The following MROH2A variants were observed in gnomAD, a reference collection of about 807,000 sequenced individuals.
MROH2A encodes the protein maestro heat-like repeat-containing protein family member 2A.
In MROH2A, 174 loss-of-function variants were observed where a neutral mutation model predicts 200.4. That is an observed-to-expected ratio of 0.87 (90% CI 0.77 to 0.98). MROH2A has a LOEUF of 0.98. MROH2A is among the 50% of genes least tolerant of loss of function. The pLI, the probability that MROH2A is intolerant of heterozygous loss-of-function variation, is 0.00. For synonymous variants in MROH2A, 829 were observed against 840.4 expected (o/e 0.99, Z 0.23); for missense variants, 2,045 against 2,139.6 (o/e 0.96, Z 0.87).
Position 233,795,692 on chromosome 2 carries a change from A to T in MROH2A, c.1006A>T (p.Thr336Ser). 1 of 1,550,888 alleles carries T rather than the reference A, an allele frequency of 6.4e-7. No individual in the cohort carries two copies. Among genetic ancestry groups the T allele is most frequent in the Non-Finnish European group, 8.7e-7 (1 of 1,147,020 alleles). The stretch of plus-strand genomic sequence containing the variant: ...CCTGGAACTGTCAGTCACCACCAAC[A>T]CCCCTGTCCCCCAAATGCAGCTACA... The part of the protein sequence containing the change: ...QILELSVTTN[T>S]PVPQMQLHTI... The change falls in exon 9 of 42, where the codon ACC (threonine) becomes TCC (serine). Residue 336 changes from threonine to serine, a missense_variant. Thr to Ser is a moderately conservative substitution (Grantham distance 58). This residue lies in a region of MROH2A where 831 missense variants were observed against 800.0 expected (regional missense o/e 1.04). Coordinates refer to ENST00000389758, the MANE Select transcript of MROH2A (RefSeq NM_001394639.1).
At chr2:233,832,093 G>T in intron 39 of MROH2A, 84 bp from the exon 40 acceptor site, 1 of 1,146,080 alleles carries the variant, frequency 8.7e-7, no homozygotes, top group Non-Finnish European at 1.3e-6. Context: ...GATGCATCTT[G>T]GTGATGGGAA....
At chr2:233,793,220 C>T (rs757546744) in intron 6 of MROH2A, among the ~76,000 whole-genome samples, 25 of 152,272 alleles carry the variant, frequency 1.6e-4, no homozygotes, top group Non-Finnish European at 2.6e-4. Context: ...AGAGGGAGAC[C>T]GGGGAAAACG....
intron 38 of MROH2A, among the ~76,000 whole-genome samples, 189 bp from the exon 39 acceptor site, chr2:233,831,220 G>A (rs1704725302): frequency 6.6e-6 from 1 of 152,244 alleles, no homozygotes; most frequent in Admixed American, 6.5e-5. Context: ...TTCTATAAAT[G>A]TACCTGCAGC....
At chr2:233,814,896 G>A (rs955264848) in intron 26 of MROH2A, among the ~76,000 whole-genome samples, 3 of 152,078 alleles carry the variant, frequency 2.0e-5, no homozygotes, top group Non-Finnish European at 2.9e-5. Context: ...TTTCTTTCTC[G>A]GTTTTCTTCT....
At chr2:233,822,678 CT>C in intron 33 of MROH2A, 122 bp downstream of exon 33, 1 of 1,209,122 alleles carries the variant, frequency 8.3e-7, no homozygotes, top group Non-Finnish European at 1.1e-6. Flanking sequence ...GGGATCTGAT[CT>C]TACTCAAAAT....
At chr2:233,791,287 A>G (rs534784341) in intron 5 of MROH2A, among the ~76,000 whole-genome samples, 6 of 152,110 alleles carry the variant, frequency 3.9e-5, no homozygotes, top group Admixed American at 1.3e-4. Flanking sequence ...GGTACTTGTG[A>G]TGGTGGCTGG....
chr2:233,778,880 C>A (rs1218002355), intron 1 of MROH2A, among the ~76,000 whole-genome samples: 1 of 152,198 alleles, frequency 6.6e-6, no homozygotes, highest in Non-Finnish European at 1.5e-5. Flanking sequence ...GGAGTCTAGG[C>A]ATGGCTTTCC....
intron 12 of MROH2A, among the ~76,000 whole-genome samples, chr2:233,799,507 G>A (rs1237679913): frequency 6.6e-6 from 1 of 152,138 alleles, no homozygotes; most frequent in African/African-American, 2.4e-5. Flanking sequence ...GGCTCCCCAC[G>A]GCAAGGGCTG....
chr2:233,792,688 C>T (rs1241237854), intron 5 of MROH2A, 108 bp from the exon 6 acceptor site: 1 of 699,630 alleles, frequency 1.4e-6, no homozygotes, highest in Admixed American at 2.1e-5. Flanking sequence ...TAAGCCAGCT[C>T]TGGACTGTTA....
chr2:233,822,656 T>A, intron 33 of MROH2A, 100 bp downstream of exon 33: 1 of 1,283,644 alleles, frequency 7.8e-7, no homozygotes, highest in Non-Finnish European at 1.1e-6. Flanking sequence ...GGGCCCTCTG[T>A]CTCCTCCTGG....
At chr2:233,805,975 C>T (rs1702768420) in intron 19 of MROH2A, among the ~76,000 whole-genome samples, 1 of 152,108 alleles carries the variant, frequency 6.6e-6, no homozygotes, top group Admixed American at 6.6e-5. Flanking sequence ...TAGAAAAACA[C>T]AGGATAAATC....
Position 233,804,926 on chromosome 2 carries a change from C to T in MROH2A, c.1945-78C>T, listed in dbSNP as rs141303803. ...GAGGGCAAGTCAGTACTCAAGGTCC[C>T]GTAGCATTCCCAGAGCCCAGGCAAG... is the stretch of plus-strand genomic sequence containing the variant. On this transcript the variant is annotated intron_variant, in intron 18 of 41. Transcript: ENST00000389758. The T allele has an allele frequency of 2.5e-4, 197 of 774,316 alleles. 1 individual carries two copies. The African/African-American group carries it at 2.7e-3, about 11-fold the overall frequency. The allele number at this position is 774,316 out of a possible 1,614,324, so 48.0% of individuals were successfully genotyped here. A position where few individuals can be genotyped will look rare whatever the true frequency, so the allele number is the denominator to read the frequency against.
chr2:233,821,830 A>G (rs1484031824), intron 31 of MROH2A, among the ~76,000 whole-genome samples: 1 of 151,988 alleles, frequency 6.6e-6, no homozygotes, highest in Non-Finnish European at 1.5e-5. Flanking sequence ...ATGTCCGTAC[A>G]GTCATCAAAC....
At position 233,833,270 on chromosome 2, in the gene MROH2A, C is replaced by T; in HGVS notation, c.*11C>T. 1 of 1,525,782 alleles carries T rather than the reference C, an allele frequency of 6.6e-7. No individual in the cohort carries two copies. Among genetic ancestry groups the T allele is most frequent in the Non-Finnish European group, 8.8e-7 (1 of 1,139,300 alleles). 94.5% of individuals were successfully genotyped at this position (1,525,782 alleles called of 1,614,324 possible). On this transcript the variant is annotated 3_prime_UTR_variant, in exon 42 of 42. Transcript: ENST00000389758. ...CAAGGAATGTCCTAGGTGGTCCAAA[C>T]ATAAGACGTAAACTGTCTTCTTAGT...
rs906883688 is a variant in MROH2A, at chr2:233,824,141, A to G, written c.4113+477A>G. Among the ~76,000 whole-genome samples the G allele has an allele frequency of 2.4e-4, 37 of 152,376 alleles. 1 individual carries two copies. Among genetic ancestry groups the G allele is most frequent in the Admixed American group, 6.5e-4 (10 of 15,310 alleles). On this transcript the variant is annotated intron_variant, in intron 35 of 41. Transcript: ENST00000389758. ...GCCAGTGTTTTCTGTAAAGGACTGC[A>G]GAGTAAATTTTTGGCTTTGTGGCCA...
In MROH2A at chr2:233,795,960, T is replaced by G. The variant is rs1702078293; in HGVS notation, c.1060-7T>G. On this transcript the variant is annotated splice_polypyrimidine_tract_variant and splice_region_variant and intron_variant, in intron 9 of 41. Transcript: ENST00000389758. ...CTCCTCCAGCCTCACTGCACGTCCC[T>G]CACCAGGTGTGCAACAAGGCCCCGG... 6.4e-7 allele frequency: 1 copy of G among 1,550,402 alleles called. No homozygotes were observed. Among genetic ancestry groups the G allele is most frequent in the Non-Finnish European group, 8.7e-7 (1 of 1,146,848 alleles).
chr2:233,814,541 C>A, intron 25 of MROH2A, 41 bp from the exon 26 acceptor site: 1 of 1,453,124 alleles, frequency 6.9e-7, no homozygotes, highest in South Asian at 1.2e-5. Flanking sequence ...GTTGTGGGTG[C>A]CCCTCATTGC....
chr2:233,786,682 G>A lies in MROH2A; in HGVS notation c.277-2815G>A, dbSNP rs189819130. The stretch of plus-strand genomic sequence containing the variant: ...CTCTGGGAGGAGTAGTCTCTCTAGG[G>A]TCAGCAAGGACCCAGGTGCCAAAGC... On this transcript the variant is annotated intron_variant, in intron 3 of 41. Transcript: ENST00000389758. Among the ~76,000 whole-genome samples, 62 of 152,282 alleles carry A rather than the reference G, an allele frequency of 4.1e-4. 1 individual carries two copies. In the East Asian group the frequency reaches 0.012, roughly 29 times the overall value.
At position 233,831,491 on chromosome 2, in the gene MROH2A, C is replaced by G; in HGVS notation, c.4685C>G (p.Ala1562Gly). ...CATCCCTCAGGGCCAAGTGATACCG[C>G]TACTGATGACAAGATGACCGTTTTC... is the stretch of plus-strand genomic sequence containing the variant. ...LEHPSGPSDT[A>G]TDDKMTVFQT... is the part of the protein sequence containing the mutation. Residue 1562 changes from alanine to glycine, a missense_variant, in exon 39 of 42, where the codon GCT (alanine) becomes GGT (glycine). Coordinates refer to ENST00000389758, the MANE Select transcript of MROH2A (RefSeq NM_001394639.1). The G allele has an allele frequency of 2.6e-6, 4 of 1,550,514 alleles. No individual in the cohort carries two copies. The Middle Eastern group carries it at 5.0e-4, about 194-fold the overall frequency.
Sources: gnomAD v4.1 joint callset for allele counts (sites outside exome capture counted in the v4.1 genomes callset) on GRCh38, gnomAD v4.1.1 for gene constraint, gnomAD v4.1.1 regional missense constraint, MANE v1.5 for transcripts, NCBI Gene and HGNC (gene_info 2026-07-23, HGNC 2026-07-21) for gene names.